TMED3: variants seen among roughly 807,000 people sequenced by gnomAD.
TMED3 encodes transmembrane p24 trafficking protein 3, also known as transmembrane emp24 domain-containing protein 3.
Under a neutral mutation model 15.0 loss-of-function variants are expected in TMED3, and 9 were observed. The observed-to-expected ratio is 0.60, with a 90% CI of 0.36 to 1.04. The LOEUF (loss-of-function observed/expected upper bound fraction) is 1.04, where lower values mean the gene tolerates loss of function less well. Ranked by LOEUF, TMED3 falls within the 50% of genes least tolerant of loss-of-function variation. The probability of loss-of-function intolerance (pLI) is 0.01; values close to 1 mark genes in which losing one functional copy is unlikely to be tolerated. For synonymous variants in TMED3, 117 were observed against 121.4 expected (o/e 0.96, Z 0.24); for missense variants, 267 against 278.9 (o/e 0.96, Z 0.30).
chr15:79,341,582 C>T (rs775873874), intron 2 of TMED3, among the ~76,000 whole-genome samples: 10 of 152,146 alleles, frequency 6.6e-5, no homozygotes, highest in East Asian at 5.8e-4. Flanking sequence ...GACTGCTCTG[C>T]GAGTTGCTGA....
intron 2 of TMED3, among the ~76,000 whole-genome samples, chr15:79,341,660 G>A (rs1232585842): frequency 6.6e-6 from 1 of 152,188 alleles, no homozygotes; most frequent in Non-Finnish European, 1.5e-5. Context: ...CCCCTTCCCT[G>A]TGCCATAAGA....
chr15:79,314,106 TC>T, intron 2 of TMED3, 101 bp downstream of exon 2: 1 of 1,483,346 alleles, frequency 6.7e-7, no homozygotes, highest in Non-Finnish European at 9.1e-7. Context: ...TCCATCCAGC[TC>T]CCAGTCTGGA....
chr15:79,403,551 T>A (rs1224909249), intron 2 of TMED3, among the ~76,000 whole-genome samples: 3 of 152,232 alleles, frequency 2.0e-5, no homozygotes. Context: ...ATTTTGTATA[T>A]ACTCCTTTCA....
At chr15:79,411,563 G>A (rs1013587463) in exon 3 of TMED3, 1 of 696,422 alleles carries the variant, frequency 1.4e-6, no homozygotes, top group African/African-American at 1.8e-5. Context: ...AAGCTACGCT[G>A]AAGTGGGAGG....
At chr15:79,326,572 C>T (rs1483144918), downstream of TMED3, among the ~76,000 whole-genome samples, 1 of 152,188 alleles carries the variant, frequency 6.6e-6, no homozygotes, top group African/African-American at 2.4e-5. Context: ...TAAATATTTC[C>T]TCCTTTAAAC....
intron 2 of TMED3, among the ~76,000 whole-genome samples, chr15:79,391,520 C>T (rs1466224109): frequency 2.0e-5 from 3 of 152,112 alleles, no homozygotes; most frequent in East Asian, 3.9e-4. Flanking sequence ...AAGTTCCATG[C>T]GCTATTGAAT....
intron 2 of TMED3, among the ~76,000 whole-genome samples, chr15:79,331,630 A>G (rs1412602639): frequency 6.6e-6 from 1 of 152,054 alleles, no homozygotes; most frequent in Non-Finnish European, 1.5e-5. Flanking sequence ...GAAGAACAGG[A>G]GAAAATATTT....
intron 2 of TMED3, chr15:79,384,621 A>G (rs1893599120): frequency 6.6e-6 from 1 of 152,244 alleles, no homozygotes; most frequent in South Asian, 2.1e-4. Context: ...GTGTATACTC[A>G]AGTAGGTGAT....
At chr15:79,394,261 A>G (rs1893736237) in intron 2 of TMED3, among the ~76,000 whole-genome samples, 1 of 152,094 alleles carries the variant, frequency 6.6e-6, no homozygotes, top group African/African-American at 2.4e-5. Flanking sequence ...AAAAGGGTTT[A>G]TTTTCCCCAT....
intron 2 of TMED3, among the ~76,000 whole-genome samples, chr15:79,352,213 A>G (rs761590797): frequency 4.5e-4 from 69 of 152,112 alleles, no homozygotes; most frequent in Non-Finnish European, 1.2e-4. Context: ...CCAAAAAGCT[A>G]TTGAAAAGAA....
At chr15:79,401,992 G>A (rs907313932) in intron 2 of TMED3, among the ~76,000 whole-genome samples, 3 of 152,160 alleles carry the variant, frequency 2.0e-5, no homozygotes, top group African/African-American at 7.2e-5. Flanking sequence ...AGGGAAAGGA[G>A]GTCATTGTCT....
intron 2 of TMED3, among the ~76,000 whole-genome samples, chr15:79,364,765 G>A (rs774970411): frequency 5.2e-4 from 79 of 151,332 alleles, no homozygotes; most frequent in Non-Finnish European, 9.3e-4. Context: ...CCAAACTCTA[G>A]GGGCAGATCA....
At chr15:79,403,190 T>C (rs1893857446) in intron 2 of TMED3, among the ~76,000 whole-genome samples, 1 of 121,044 alleles carries the variant, frequency 8.3e-6, no homozygotes, top group Non-Finnish European at 1.6e-5. Flanking sequence ...ATCACTGCGC[T>C]CCAGCCTGGG....
At chr15:79,337,347 A>G (rs2058830895) in intron 2 of TMED3, among the ~76,000 whole-genome samples, 1 of 152,210 alleles carries the variant, frequency 6.6e-6, no homozygotes. Context: ...GGCTCACTGT[A>G]GTTAATTTAA....
chr15:79,311,672 GGC>G (rs1370617364), intron 1 of TMED3, among the ~76,000 whole-genome samples: 1 of 152,024 alleles, frequency 6.6e-6, no homozygotes, highest in Non-Finnish European at 1.5e-5. Flanking sequence ...GGGACGCCAG[GGC>G]GGATCCCGCA....
At chr15:79,362,302 T>TA (rs55882848) in intron 2 of TMED3, among the ~76,000 whole-genome samples, 18,654 of 134,922 alleles carry the variant, frequency 0.14, 1,241 homozygotes, top group Admixed American at 0.17. Flanking sequence ...CTTGCCTCTA[T>TA]AAAAAAAAAA....
chr15:79,353,773 C>T (rs991952064), intron 2 of TMED3, among the ~76,000 whole-genome samples: 6 of 151,926 alleles, frequency 3.9e-5, no homozygotes, highest in Non-Finnish European at 8.8e-5. Flanking sequence ...TAAAAAAAAC[C>T]TTAAAAAGAA....
rs1236299236 is a variant in TMED3, at chr15:79,311,316, C to T, written c.67C>T (p.Gln23Ter). The T allele has an allele frequency of 3.7e-6, 6 of 1,609,282 alleles. No homozygotes were observed. The East Asian group carries it at 9.0e-5, about 24-fold the overall frequency. The change falls in exon 1 of 3, where the codon CAG (glutamine) becomes TAG (stop). Residue 23 changes from glutamine to a stop codon, truncating the protein, a stop_gained. Transcript: ENST00000299705. LOFTEE classifies it high-confidence loss of function. The part of the protein sequence containing the change: ...LLLLLLRRAE[Q>*]PCGAELTFEL... ...GCTGCTGCTCCTGCGCCGGGCCGAG[C>T]AGCCCTGCGGGGCCGAGCTCACCTT...
intron 2 of TMED3, among the ~76,000 whole-genome samples, chr15:79,366,988 G>A (rs1432613684): frequency 6.6e-6 from 1 of 152,104 alleles, no homozygotes. Flanking sequence ...ATGATGGCTA[G>A]GTCATTGTTT....
Sources: gnomAD v4.1 joint callset for allele counts (sites outside exome capture counted in the v4.1 genomes callset) on GRCh38, gnomAD v4.1.1 for gene constraint, MANE v1.5 for transcripts, NCBI Gene and HGNC (gene_info 2026-07-23, HGNC 2026-07-21) for gene names.